The following PAQR9 variants were observed in gnomAD, a reference collection of about 807,000 sequenced individuals.
The protein encoded by PAQR9 is progestin and adipoQ receptor family member 9, also known as membrane progestin receptor epsilon.
PAQR9 carries 12 observed loss-of-function variants against 24.0 expected under a neutral mutation model. The ratio of observed to expected loss-of-function variants is 0.50; its 90% CI spans 0.32 to 0.81. PAQR9 has a LOEUF of 0.81. Ranked by LOEUF, PAQR9 falls within the 30% of genes least tolerant of loss-of-function variation. The pLI, the probability that PAQR9 is intolerant of heterozygous loss-of-function variation, is 0.03. For synonymous variants in PAQR9, 266 were observed against 237.6 expected, an observed-to-expected ratio of 1.12 and a Z score of -1.10; for missense variants, 418 against 520.8, an observed-to-expected ratio of 0.80 and a Z score of 1.92.
At chr3:142,949,910 TTTTC>T (rs1934691355), downstream of PAQR9, 3 of 152,058 alleles carry the variant, frequency 2.0e-5, no homozygotes, top group Non-Finnish European at 4.4e-5. Flanking sequence ...TCTAGTCTTT[TTTTC>T]TTTGTTTTTC....
upstream of PAQR9, chr3:142,963,694 T>C (rs1934965601): frequency 7.6e-6 from 5 of 659,456 alleles, no homozygotes; most frequent in Non-Finnish European, 9.3e-6. Flanking sequence ...GCGGTGCGGG[T>C]GCCTCCGCCG....
At position 142,959,699 on chromosome 3, in the gene PAQR9, G is replaced by T. The variant is rs1004509187; in HGVS notation, c.*2504C>A. On this transcript the variant is annotated 3_prime_UTR_variant, in exon 1 of 1. Coordinates refer to ENST00000340634, the MANE Select transcript of PAQR9 (RefSeq NM_198504.4). ...TAAGTGGCCTCTCCTTAAGGTCAAAGACAAAGGACAAGAAGAGAATTCTGT... is the reference window on the plus strand; with the variant it reads ...TAAGTGGCCTCTCCTTAAGGTCAAATACAAAGGACAAGAAGAGAATTCTGT... Among the ~76,000 whole-genome samples, 2 of 152,148 alleles carry T rather than the reference G, an allele frequency of 1.3e-5. No homozygotes were observed. The highest frequency in any genetic ancestry group is 2.9e-5 in the Non-Finnish European group (2 of 68,018).
Position 142,963,480 on chromosome 3 carries a change from C to G in PAQR9, c.-144G>C. The G allele has an allele frequency of 9.7e-7, 1 of 1,036,204 alleles. No individual in the cohort carries two copies. The highest frequency in any genetic ancestry group is 1.2e-6 in the Non-Finnish European group (1 of 865,440). The allele number at this position is 1,036,204 out of a possible 1,614,324, so 64.2% of individuals were successfully genotyped here. ...AGGTTTAGGAGAAGACCCGTGCCTC[C>G]GAGCAGCCGCTCCTAAAAATTAAAT... On this transcript the variant is annotated 5_prime_UTR_variant, in exon 1 of 1. Coordinates refer to ENST00000340634, the MANE Select transcript of PAQR9 (RefSeq NM_198504.4).
At position 142,957,306 on chromosome 3, in the gene PAQR9, A is replaced by G. The variant is rs756611820; in HGVS notation, c.*4897T>C. Among the ~76,000 whole-genome samples, 41 of 152,204 alleles carry G rather than the reference A, an allele frequency of 2.7e-4. No individual in the cohort carries two copies. Among genetic ancestry groups the G allele is most frequent in the Non-Finnish European group, 5.1e-4 (35 of 68,032 alleles). ...GAGTTCACATGCTTTTCTAAGGACAAAATTTAAAACTCAGGCTGACTGCAC... is the reference window on the plus strand; with the variant it reads ...GAGTTCACATGCTTTTCTAAGGACAGAATTTAAAACTCAGGCTGACTGCAC... On this transcript the variant is annotated 3_prime_UTR_variant, in exon 1 of 1. Coordinates refer to ENST00000340634, the MANE Select transcript of PAQR9 (RefSeq NM_198504.4).
Position 142,963,383 on chromosome 3 carries a change from G to T in PAQR9, c.-47C>A. 8.8e-7 allele frequency: 1 copy of T among 1,139,354 alleles called. No homozygotes were observed. Among genetic ancestry groups the T allele is most frequent in the Non-Finnish European group, 1.1e-6 (1 of 930,310 alleles). The allele number at this position is 1,139,354 out of a possible 1,614,324, so 70.6% of individuals were successfully genotyped here. On this transcript the variant is annotated 5_prime_UTR_variant, in exon 1 of 1. Coordinates refer to ENST00000340634, the MANE Select transcript of PAQR9 (RefSeq NM_198504.4). ...GCGCGCGCAGGCGACCTCTGGCGCC[G>T]GCTCCCGGGCGCTGGGCAGCCCCCG... is the stretch of plus-strand genomic sequence containing the variant.
rs1444656772 is a variant in PAQR9, at chr3:142,959,985, G to A, written c.*2218C>T. Among the ~76,000 whole-genome samples the A allele has an allele frequency of 6.6e-6, 1 of 152,104 alleles. No homozygotes were observed. Among genetic ancestry groups the A allele is most frequent in the Non-Finnish European group, 1.5e-5 (1 of 68,024 alleles). On this transcript the variant is annotated 3_prime_UTR_variant, in exon 1 of 1. Coordinates refer to ENST00000340634, the MANE Select transcript of PAQR9 (RefSeq NM_198504.4). ...TGGAAATATCCTGATTTCCACAGTTGTCCTTGAATGCATCTATTGAATTAA... is the reference window on the plus strand; with the variant it reads ...TGGAAATATCCTGATTTCCACAGTTATCCTTGAATGCATCTATTGAATTAA...
At chr3:142,953,110 G>A (rs556559619), downstream of PAQR9, among the ~76,000 whole-genome samples, 10 of 152,268 alleles carry the variant, frequency 6.6e-5, no homozygotes, top group East Asian at 1.7e-3. Flanking sequence ...AGGCCACAGG[G>A]GGTGATGGCT....
chr3:142,953,591 C>T (rs1223314537), downstream of PAQR9, among the ~76,000 whole-genome samples: 3 of 152,066 alleles, frequency 2.0e-5, no homozygotes, highest in Admixed American at 6.6e-5. Flanking sequence ...TGGCTCAAAC[C>T]GCCAGTCTCC....
In PAQR9 at chr3:142,963,088, C is replaced by CAG. The variant is rs758241899; in HGVS notation, c.248_249insCT (p.Glu83AspfsTer2). 1 of 1,614,092 alleles carries CAG rather than the reference C, an allele frequency of 6.2e-7. No homozygotes were observed. The highest frequency in any genetic ancestry group is 8.5e-7 in the Non-Finnish European group (1 of 1,179,968). On this transcript the variant is annotated frameshift_variant, in exon 1 of 1. Transcript: ENST00000340634. LOFTEE classifies it high-confidence loss of function. ...TGAAGTGCGTCCAGAAGTTGAGCGT[C>CAG]TCGTTGGTAGGCTTCAGCACCGAGG... is the stretch of plus-strand genomic sequence containing the variant.
chr3:142,962,450 G>A lies in PAQR9; in HGVS notation c.887C>T (p.Pro296Leu). 8 of 1,613,866 alleles carry A rather than the reference G, an allele frequency of 5.0e-6. No homozygotes were observed. Among genetic ancestry groups the A allele is most frequent in the Non-Finnish European group, 6.8e-6 (8 of 1,179,982 alleles). ...VAAFFNVSKI[P>L]ERIQPGLFDI... The stretch of plus-strand genomic sequence containing the variant: ...GAAAAGACCCGGCTGGATGCGCTCG[G>A]GGATCTTGCTCACGTTGAAGAAGGC... The change falls in exon 1 of 1, where the codon CCC (proline) becomes CTC (leucine). Residue 296 changes from proline (P) to leucine (L), a missense_variant. Transcript: ENST00000340634.
At chr3:142,954,116 C>T (rs1934757662), downstream of PAQR9, among the ~76,000 whole-genome samples, 1 of 152,196 alleles carries the variant, frequency 6.6e-6, no homozygotes, top group Admixed American at 6.5e-5. Context: ...CAATAATTAA[C>T]ATGATTTAAA....
At position 142,963,575 on chromosome 3, in the gene PAQR9, C is replaced by G; in HGVS notation, c.-239G>C. On this transcript the variant is annotated 5_prime_UTR_variant, in exon 1 of 1. Transcript: ENST00000340634. ...GGAGCGCGGAGCGCGCGAGGCTCAG[C>G]GGCTTCCTCGCCAAGCCCCTGCTAC... The G allele has an allele frequency of 1.1e-6, 1 of 934,720 alleles. No individual in the cohort carries two copies. Among genetic ancestry groups the G allele is most frequent in the Non-Finnish European group, 1.3e-6 (1 of 783,968 alleles). The allele number at this position is 934,720 out of a possible 1,614,324, so 57.9% of individuals were successfully genotyped here.
At chr3:142,954,311 C>T (rs976978113), downstream of PAQR9, among the ~76,000 whole-genome samples, 66 of 152,146 alleles carry the variant, frequency 4.3e-4, no homozygotes, top group African/African-American at 1.5e-3. Context: ...ATTTCATAAC[C>T]TGGGTTATAT....
chr3:142,950,024 G>T (rs917111169), downstream of PAQR9: 1 of 152,154 alleles, frequency 6.6e-6, no homozygotes, highest in African/African-American at 2.4e-5. Flanking sequence ...ATGTCACAAT[G>T]TTCTTGATTT....
rs760271319 is a variant in PAQR9 at position 142,962,303 on chromosome 3, G to C, written c.1034C>G (p.Thr345Ser). ...QFLQAPPAAP[T>S]FSGTVGYMLL... is the part of the protein sequence containing the mutation. ...CATGTAGCCCACAGTACCCGAGAAAGTGGGTGCGGCAGGCGGCGCCTGGAG... is the reference window on the plus strand; with the variant it reads ...CATGTAGCCCACAGTACCCGAGAAACTGGGTGCGGCAGGCGGCGCCTGGAG... Residue 345 changes from threonine to serine, a missense_variant, in exon 1 of 1, where the codon ACT becomes AGT. Transcript: ENST00000340634. The C allele has an allele frequency of 2.6e-5, 42 of 1,614,108 alleles. No homozygotes were observed. The highest frequency in any genetic ancestry group is 1.0e-5 in the Non-Finnish European group (12 of 1,180,052).
At position 142,960,419 on chromosome 3, in the gene PAQR9, CT is replaced by C. The variant is rs1934870275; in HGVS notation, c.*1783del. The stretch of plus-strand genomic sequence containing the variant: ...TGATCATCCTGCCCAAGACCTTCAA[CT>C]AGGCAGTGGAGATCAAGCCCAAGAT... On this transcript the variant is annotated 3_prime_UTR_variant, in exon 1 of 1. Transcript: ENST00000340634. The C allele has an allele frequency of 6.6e-6, 1 of 152,382 alleles. No homozygotes were observed. The highest frequency in any genetic ancestry group is 1.5e-5 in the Non-Finnish European group (1 of 68,088). 9.4% of individuals were successfully genotyped at this position (152,382 alleles called of 1,614,324 possible).
Position 142,956,301 on chromosome 3 carries a change from C to T in PAQR9, c.*5902G>A, listed in dbSNP as rs147741665. On this transcript the variant is annotated 3_prime_UTR_variant, in exon 1 of 1. Coordinates refer to ENST00000340634, the MANE Select transcript of PAQR9 (RefSeq NM_198504.4). ...CATCTTTACAGCACGGCCAAATGAC[C>T]ACCTGAAGACCCCCCATTCTGCCTT... Among the ~76,000 whole-genome samples the T allele has an allele frequency of 2.6e-5, 4 of 152,132 alleles. No individual in the cohort carries two copies. The highest frequency in any genetic ancestry group is 4.4e-5 in the Non-Finnish European group (3 of 68,026).
chr3:142,958,293 GTATC>G lies in PAQR9; in HGVS notation c.*3906_*3909del. On this transcript the variant is annotated 3_prime_UTR_variant, in exon 1 of 1. Transcript: ENST00000340634. ...TTTAAAGTTAGTCAATTAAGGGACT[GTATC>G]TATATCTCTTTTTCCAATTAGTGTC... is the stretch of plus-strand genomic sequence containing the variant. Among the ~76,000 whole-genome samples the G allele has an allele frequency of 6.6e-6, 1 of 152,330 alleles. No homozygotes were observed. Among genetic ancestry groups the G allele is most frequent in the East Asian group, 1.9e-4 (1 of 5,186 alleles).
In PAQR9 at chr3:142,954,672, C is replaced by T. The variant is rs1265341721; in HGVS notation, c.*7531G>A. 6.6e-6 allele frequency among the ~76,000 whole-genome samples: 1 copy of T among 152,134 alleles called. No individual in the cohort carries two copies. The highest frequency in any genetic ancestry group is 1.5e-5 in the Non-Finnish European group (1 of 68,030). On this transcript the variant is annotated 3_prime_UTR_variant, in exon 1 of 1. Coordinates refer to ENST00000340634, the MANE Select transcript of PAQR9 (RefSeq NM_198504.4). ...TATTATTTACACAGAATTTCATATT[C>T]AAGACTGTAGGGAACAAATGTCTCA...
Sources: allele counts gnomAD v4.1 joint callset (sites outside exome capture counted in the v4.1 genomes callset), GRCh38; gene constraint gnomAD v4.1.1; transcripts MANE v1.5; gene names NCBI Gene and HGNC (gene_info 2026-07-23, HGNC 2026-07-21).